Variants in ANKS1B observed in about 807,000 individuals in gnomAD.
The protein encoded by ANKS1B is ankyrin repeat and sterile alpha motif domain-containing protein 1B.
In ANKS1B, 36 loss-of-function variants were observed where a neutral mutation model predicts 148.3. That is an observed-to-expected ratio of 0.24 (90% CI 0.19 to 0.32). The LOEUF (loss-of-function observed/expected upper bound fraction) is 0.32. Ranked by LOEUF, ANKS1B falls within the 10% of genes least tolerant of loss-of-function variation. The pLI is 1.00. For synonymous variants in ANKS1B, 542 were observed against 560.8 expected, an observed-to-expected ratio of 0.97 and a Z score of 0.47; for missense variants, 1,157 against 1,542.6, an observed-to-expected ratio of 0.75 and a Z score of 4.19.
At chr12:98,895,916 T>C (rs1175798093) in intron 17 of ANKS1B, among the ~76,000 whole-genome samples, 4 of 152,240 alleles carry the variant, frequency 2.6e-5, no homozygotes, top group African/African-American at 9.6e-5. Flanking sequence ...TAAAAATAAC[T>C]TGTGGCTTAC....
intron 17 of ANKS1B, among the ~76,000 whole-genome samples, chr12:98,833,046 C>T (rs1449719164): frequency 6.6e-6 from 1 of 152,104 alleles, no homozygotes; most frequent in Non-Finnish European, 1.5e-5. Flanking sequence ...AGAGCCTCCC[C>T]AGGATGGTAT....
chr12:99,762,241 G>A (rs543168539), intron 8 of ANKS1B, among the ~76,000 whole-genome samples: 13 of 152,018 alleles, frequency 8.6e-5, no homozygotes, highest in African/African-American at 3.1e-4. Context: ...AATAGCCAAA[G>A]TAATCCTAAA....
At chr12:99,158,855 G>A (rs898624409) in intron 14 of ANKS1B, among the ~76,000 whole-genome samples, 21 of 152,072 alleles carry the variant, frequency 1.4e-4, no homozygotes, top group Admixed American at 2.0e-4. Context: ...CCAACCAAGC[G>A]GCATGGGATC....
intron 9 of ANKS1B, among the ~76,000 whole-genome samples, chr12:99,574,759 G>T (rs1193562241): frequency 6.6e-6 from 1 of 151,950 alleles, no homozygotes; most frequent in African/African-American, 2.4e-5. Flanking sequence ...AGCATCTGAG[G>T]AAAAGGGAAA....
chr12:99,964,189 C>T (rs1168929241), intron 1 of ANKS1B, among the ~76,000 whole-genome samples: 2 of 152,156 alleles, frequency 1.3e-5, no homozygotes, highest in Non-Finnish European at 2.9e-5. Flanking sequence ...CATCTCTCCT[C>T]CAAAGTGCAA....
intron 1 of ANKS1B, among the ~76,000 whole-genome samples, chr12:99,911,192 G>A (rs1013483650): frequency 1.3e-5 from 2 of 152,128 alleles, no homozygotes; most frequent in Non-Finnish European, 1.5e-5. Flanking sequence ...GCTGCCACTT[G>A]AGCTATCCCT....
chr12:99,917,887 G>C (rs2094220774), intron 1 of ANKS1B, among the ~76,000 whole-genome samples: 1 of 152,236 alleles, frequency 6.6e-6, no homozygotes. Flanking sequence ...CACAGCAGGA[G>C]GTGAGCAGCA....
chr12:98,871,027 T>C (rs11109639), intron 17 of ANKS1B, among the ~76,000 whole-genome samples: 20,736 of 152,212 alleles, frequency 0.14, 1,518 homozygotes, highest in African/African-American at 0.16. Context: ...TCCCACCTCT[T>C]TGAATTGAGG....
At position 98,800,017 on chromosome 12, in the gene ANKS1B, C is replaced by G. The variant is rs113508228; in HGVS notation, c.3270+980G>C. 5.5e-4 allele frequency among the ~76,000 whole-genome samples: 84 copies of G among 152,144 alleles called. 1 individual carries two copies. The highest frequency in any genetic ancestry group is 1.9e-3 in the African/African-American group (77 of 41,522). ...TCTTGTGGACTAGGGAAGTGCCTGACTTGAAGAAGACGTGAGAGGGCACAA... is the reference window on the plus strand; with the variant it reads ...TCTTGTGGACTAGGGAAGTGCCTGAGTTGAAGAAGACGTGAGAGGGCACAA... On this transcript the variant is annotated intron_variant, in intron 21 of 26. Coordinates refer to ENST00000683438, the MANE Select transcript of ANKS1B (RefSeq NM_001352186.2).
intron 9 of ANKS1B, among the ~76,000 whole-genome samples, chr12:99,519,714 C>G (rs2096856263): frequency 6.6e-6 from 1 of 151,974 alleles, no homozygotes; most frequent in African/African-American, 2.4e-5. Flanking sequence ...CATTCAGACT[C>G]TCATTCAGTA....
At chr12:99,809,935 C>CTCTCTCTAAGGTCAA (rs2068121118) in intron 3 of ANKS1B, among the ~76,000 whole-genome samples, 1 of 152,040 alleles carries the variant, frequency 6.6e-6, no homozygotes, top group Non-Finnish European at 1.5e-5. Flanking sequence ...GGTCAATCTA[C>CTCTCTCTAAGGTCAA]TCTATCTCTC....
At chr12:99,142,396 C>G (rs1328266520) in intron 15 of ANKS1B, among the ~76,000 whole-genome samples, 1 of 151,822 alleles carries the variant, frequency 6.6e-6, no homozygotes, top group Middle Eastern at 3.2e-3. Flanking sequence ...GAAGAGCAAA[C>G]CAGCAAGTGT....
intron 1 of ANKS1B, among the ~76,000 whole-genome samples, chr12:99,944,423 T>A (rs1453068662): frequency 6.6e-6 from 1 of 152,140 alleles, no homozygotes; most frequent in African/African-American, 2.4e-5. Context: ...TCCTCAGGGT[T>A]CCCATGAAAA....
At chr12:99,140,682 G>A (rs763233210) in intron 15 of ANKS1B, among the ~76,000 whole-genome samples, 6 of 152,146 alleles carry the variant, frequency 3.9e-5, no homozygotes, top group Non-Finnish European at 7.4e-5. Flanking sequence ...CTCACACCAA[G>A]TAGGTAAAGA....
intron 17 of ANKS1B, among the ~76,000 whole-genome samples, chr12:98,847,505 A>G (rs1340041447): frequency 6.6e-6 from 1 of 152,170 alleles, no homozygotes; most frequent in East Asian, 1.9e-4. Flanking sequence ...TTATTCATCT[A>G]ATGATGGAAA....
intron 19 of ANKS1B, among the ~76,000 whole-genome samples, chr12:98,812,450 G>A (rs1041957763): frequency 1.3e-5 from 2 of 152,180 alleles, no homozygotes; most frequent in African/African-American, 4.8e-5. Flanking sequence ...ATCACCTAAC[G>A]ATGCATTTCT....
intron 19 of ANKS1B, among the ~76,000 whole-genome samples, chr12:98,824,006 T>C (rs1439304059): frequency 6.6e-6 from 1 of 152,242 alleles, no homozygotes. Context: ...GGGATATCCA[T>C]GCTTTTTAAG....
rs975782340 is a variant in ANKS1B at position 99,239,656 on chromosome 12, G to A, written c.2419+4686C>T. ...TGAAATGAAGGAAAAAATGTTAAGG[G>A]CAGCCAGAGAGAAAGGTTGGGTTAC... On this transcript the variant is annotated intron_variant, in intron 14 of 26. Transcript: ENST00000683438. 3.7e-4 allele frequency among the ~76,000 whole-genome samples: 57 copies of A among 152,134 alleles called. 1 individual carries two copies. Among genetic ancestry groups the A allele is most frequent in the African/African-American group, 1.3e-3 (54 of 41,416 alleles).
intron 16 of ANKS1B, among the ~76,000 whole-genome samples, chr12:99,072,655 G>A (rs1228675415): frequency 1.3e-5 from 2 of 152,106 alleles, no homozygotes; most frequent in Non-Finnish European, 2.9e-5. Flanking sequence ...ACAATACAGT[G>A]GGGTGGTTAA....
Sources: allele counts gnomAD v4.1 joint callset (sites outside exome capture counted in the v4.1 genomes callset), GRCh38; gene constraint gnomAD v4.1.1; transcripts MANE v1.5; gene names NCBI Gene and HGNC (gene_info 2026-07-23, HGNC 2026-07-21).